Variants in THSD4 observed in about 807,000 individuals in gnomAD.
The protein encoded by THSD4 is thrombospondin type-1 domain-containing protein 4.
A neutral mutation model predicts 119.0 loss-of-function variants in THSD4; 69 were observed. That is an observed-to-expected ratio of 0.58 (90% CI 0.48 to 0.71). The LOEUF is 0.71. Among genes scored for constraint, THSD4 ranks in the 30% least tolerant of loss-of-function variants. The pLI, the probability that THSD4 is intolerant of heterozygous loss-of-function variation, is 0.00. For missense variants in THSD4, 1,393 were observed against 1,391.1 expected, an observed-to-expected ratio of 1.00 and a Z score of -0.02; for synonymous variants, 524 against 540.4, an observed-to-expected ratio of 0.97 and a Z score of 0.42.
chr15:71,650,443 T>C (rs1045304321), intron 7 of THSD4, among the ~76,000 whole-genome samples: 2 of 152,152 alleles, frequency 1.3e-5, no homozygotes, highest in South Asian at 2.1e-4. Flanking sequence ...ATGCCTGCAC[T>C]GCTGGTCCAT....
At chr15:71,490,235 G>A (rs1236053769) in intron 7 of THSD4, among the ~76,000 whole-genome samples, 1 of 151,752 alleles carries the variant, frequency 6.6e-6, no homozygotes, top group Non-Finnish European at 1.5e-5. Flanking sequence ...GACCAGTCTG[G>A]CCAACACAGT....
Position 71,727,587 on chromosome 15 carries a change from TAC to T in THSD4, c.1358-928_1358-927del, listed in dbSNP as rs367823728. On this transcript the variant is annotated intron_variant, in intron 8 of 17. Coordinates refer to ENST00000261862, the MANE Select transcript of THSD4 (RefSeq NM_024817.3). ...ATATATATATATATATATATATATA[TAC>T]ACACACACACACACACACACACACA... is the stretch of plus-strand genomic sequence containing the variant. Among the ~76,000 whole-genome samples, 29 of 9,280 alleles carry T rather than the reference TAC, an allele frequency of 3.1e-3. 1 individual carries two copies. The highest frequency in any genetic ancestry group is 7.3e-3 in the African/African-American group (29 of 3,964). The allele number at this position is 9,280 out of a possible 152,430, so 6.1% of individuals were successfully genotyped here.
chr15:71,621,888 C>T (rs952447138), intron 7 of THSD4, among the ~76,000 whole-genome samples: 1 of 152,166 alleles, frequency 6.6e-6, no homozygotes, highest in African/African-American at 2.4e-5. Flanking sequence ...GAAAAAGAAG[C>T]CATTAGTTAC....
In THSD4 at chr15:71,490,830, T is replaced by C. The variant is rs76177208; in HGVS notation, c.1152+79007T>C. Among the ~76,000 whole-genome samples, 445 of 152,348 alleles carry C rather than the reference T, an allele frequency of 2.9e-3. 12 individuals carry two copies. The East Asian group carries it at 0.062, about 21-fold the overall frequency. On this transcript the variant is annotated intron_variant, in intron 7 of 17. Coordinates refer to ENST00000261862, the MANE Select transcript of THSD4 (RefSeq NM_024817.3). Reference sequence around the variant, plus strand: ...CTGCTACCTGTTTCGGAAATAAAGTTTTATTAGAATATAACCGTGCCCATT... The same window carrying C: ...CTGCTACCTGTTTCGGAAATAAAGTCTTATTAGAATATAACCGTGCCCATT...
At chr15:71,588,393 TA>T (rs1305850768) in intron 7 of THSD4, among the ~76,000 whole-genome samples, 19 of 151,744 alleles carry the variant, frequency 1.3e-4, no homozygotes, top group Non-Finnish European at 2.2e-4. Flanking sequence ...TGCTTTTATT[TA>T]TTTTTTTTAA....
chr15:71,412,625 G>A (rs1309550139), intron 7 of THSD4, among the ~76,000 whole-genome samples: 1 of 152,114 alleles, frequency 6.6e-6, no homozygotes, highest in Non-Finnish European at 1.5e-5. Context: ...TTTAATCACA[G>A]GAAGAGCTCT....
intron 7 of THSD4, among the ~76,000 whole-genome samples, chr15:71,526,410 T>A: frequency 6.6e-6 from 1 of 152,200 alleles, no homozygotes; most frequent in East Asian, 1.9e-4. Flanking sequence ...AGAGAGTCGC[T>A]TAGAGGTCTA....
chr15:71,627,281 T>C (rs2050528072), intron 7 of THSD4, among the ~76,000 whole-genome samples: 1 of 152,224 alleles, frequency 6.6e-6, no homozygotes, highest in South Asian at 2.1e-4. Flanking sequence ...GTTCAGCTCA[T>C]ATGGGTTTGT....
At chr15:71,435,022 A>G (rs1353683900) in intron 7 of THSD4, among the ~76,000 whole-genome samples, 1 of 152,250 alleles carries the variant, frequency 6.6e-6, no homozygotes, top group Non-Finnish European at 1.5e-5. Flanking sequence ...AAGAAAAAAG[A>G]AACTTAAAGA....
chr15:71,621,693 A>G (rs1456337020), intron 7 of THSD4, among the ~76,000 whole-genome samples: 1 of 152,224 alleles, frequency 6.6e-6, no homozygotes, highest in African/African-American at 2.4e-5. Context: ...ATATTCATTG[A>G]TGGCTGAAAA....
At chr15:71,430,816 C>T (rs2046934790) in intron 7 of THSD4, among the ~76,000 whole-genome samples, 1 of 149,938 alleles carries the variant, frequency 6.7e-6, no homozygotes, top group South Asian at 2.1e-4. Context: ...CACGGGGCAG[C>T]CATAAGAAAT....
At chr15:71,442,656 G>GTGTGTGTGTGTATGTATGTA (rs1555414310) in intron 7 of THSD4, among the ~76,000 whole-genome samples, 1 of 30,644 alleles carries the variant, frequency 3.3e-5, no homozygotes, top group Non-Finnish European at 7.8e-5. Flanking sequence ...GTGTGTGTGT[G>GTGTGTGTGTGTATGTATGTA]TGTGTATATA....
intron 6 of THSD4, among the ~76,000 whole-genome samples, chr15:71,382,166 C>A (rs1360183581): frequency 2.6e-5 from 4 of 152,022 alleles, no homozygotes; most frequent in Admixed American, 6.5e-5. Flanking sequence ...ATAGAGAAGA[C>A]CCAGTTTTCT....
At chr15:71,453,732 A>G (rs2047298531) in intron 7 of THSD4, among the ~76,000 whole-genome samples, 1 of 152,100 alleles carries the variant, frequency 6.6e-6, no homozygotes, top group African/African-American at 2.4e-5. Context: ...GGTTTTAAAG[A>G]TTTTCTGATG....
At chr15:71,260,234 C>T (rs1290322812) in intron 6 of THSD4, among the ~76,000 whole-genome samples, 1 of 151,972 alleles carries the variant, frequency 6.6e-6, no homozygotes, top group Non-Finnish European at 1.5e-5. Flanking sequence ...TATTTTTTTC[C>T]CCTCTGATTT....
At chr15:71,632,756 C>T (rs1192608697) in intron 7 of THSD4, among the ~76,000 whole-genome samples, 1 of 152,218 alleles carries the variant, frequency 6.6e-6, no homozygotes, top group Admixed American at 6.5e-5. Flanking sequence ...TCCTGATTAA[C>T]TTCTTTTCTG....
intron 7 of THSD4, 68 bp downstream of exon 7, chr15:71,411,891 C>G (rs528346341): frequency 1.3e-6 from 2 of 1,593,552 alleles, no homozygotes; most frequent in Non-Finnish European, 8.6e-7. Flanking sequence ...CCATTGTTTT[C>G]CAGGGAGAGA....
At chr15:71,199,661 ATGCATGTGTGGAGGGTGTGTG>A (rs2043763092) in intron 3 of THSD4, among the ~76,000 whole-genome samples, 4 of 7,200 alleles carry the variant, frequency 5.6e-4, no homozygotes, top group Admixed American at 1.4e-3. Flanking sequence ...TGTGTGTGTG[ATGCATGTGTGGAGGGTGTGTG>A]TGTGTGTGGT....
intron 6 of THSD4, among the ~76,000 whole-genome samples, chr15:71,275,236 A>G (rs2044576692): frequency 6.6e-6 from 1 of 152,168 alleles, no homozygotes. Flanking sequence ...GGCCTGCAGA[A>G]GAATTTCTCC....
Sources: allele counts gnomAD v4.1 joint callset (sites outside exome capture counted in the v4.1 genomes callset), GRCh38; gene constraint gnomAD v4.1.1; transcripts MANE v1.5; gene names NCBI Gene and HGNC (gene_info 2026-07-23, HGNC 2026-07-21).